AGBL1: variants seen among roughly 807,000 people sequenced by gnomAD.
AGBL1 encodes the protein cytosolic carboxypeptidase 4.
Under a neutral mutation model 118.9 loss-of-function variants are expected in AGBL1, and 130 were observed. The observed-to-expected ratio is 1.09, with a 90% CI of 0.95 to 1.26. The LOEUF is 1.26. Among genes scored for constraint, AGBL1 ranks in the 50% most tolerant of loss-of-function variants. The pLI, the probability that AGBL1 is intolerant of heterozygous loss-of-function variation, is 0.00. For missense variants in AGBL1, 1,584 were observed against 1,298.1 expected (o/e 1.22, Z -3.38); for synonymous variants, 555 against 478.9 (o/e 1.16, Z -2.08).
intron 5 of AGBL1, among the ~76,000 whole-genome samples, chr15:86,159,942 G>GA (rs985816155): frequency 2.0e-5 from 3 of 151,570 alleles, no homozygotes; most frequent in African/African-American, 4.8e-5. Context: ...ATATCTCAGT[G>GA]AAAAAAAATT....
rs577552983 is a variant in AGBL1 at position 86,752,582 on chromosome 15, C to T, written c.3158+78146C>T. Among the ~76,000 whole-genome samples the T allele has an allele frequency of 1.6e-4, 25 of 152,192 alleles. 1 individual carries two copies. The highest frequency in any genetic ancestry group is 5.5e-4 in the African/African-American group (23 of 41,562). On this transcript the variant is annotated intron_variant, in intron 22 of 22. Coordinates refer to ENST00000614907, the MANE Select transcript of AGBL1 (RefSeq NM_001386094.1). ...AATGCAGGAGCACAGGAACTCAGCCCTGTTTCTGCTCCAGGCTCTACCCCA... is the reference window on the plus strand; with the variant it reads ...AATGCAGGAGCACAGGAACTCAGCCTTGTTTCTGCTCCAGGCTCTACCCCA...
In AGBL1 at chr15:86,806,902, G is replaced by A. The variant is rs565272260; in HGVS notation, c.3159-100185G>A. 7.9e-5 allele frequency among the ~76,000 whole-genome samples: 12 copies of A among 151,708 alleles called. No individual in the cohort carries two copies. In the East Asian group the frequency reaches 1.7e-3, roughly 22 times the overall value. On this transcript the variant is annotated intron_variant, in intron 22 of 22. Transcript: ENST00000614907. Reference sequence around the variant, plus strand: ...TTATATACAATACGTGATATACCACGTATCATACGGTACATATATATTATT... The same window carrying A: ...TTATATACAATACGTGATATACCACATATCATACGGTACATATATATTATT...
At chr15:86,143,986 G>A in intron 3 of AGBL1, 141 bp downstream of exon 3, 1 of 1,080,884 alleles carries the variant, frequency 9.3e-7, no homozygotes, top group Non-Finnish European at 1.3e-6. Context: ...GTGATGGCAG[G>A]ACCAGCCCCA....
At chr15:86,158,449 C>T (rs1342510218) in intron 4 of AGBL1, among the ~76,000 whole-genome samples, 1 of 152,152 alleles carries the variant, frequency 6.6e-6, no homozygotes, top group Non-Finnish European at 1.5e-5. Context: ...ACGAGAGTGT[C>T]TGTGGACTCC....
intron 22 of AGBL1, among the ~76,000 whole-genome samples, chr15:86,768,670 C>T (rs764412874): frequency 1.1e-4 from 16 of 151,922 alleles, no homozygotes; most frequent in Non-Finnish European, 8.8e-5. Context: ...TCACTATCTA[C>T]CACATTGCAT....
rs549147807 is a variant in AGBL1 at position 86,210,910 on chromosome 15, A to C, written c.489-14004A>C. ...GGAGAAAAGGCACTCTGGTTTTTAG[A>C]ATTTTCAGCTTTTCTGCTCTGGTTT... On this transcript the variant is annotated intron_variant, in intron 5 of 22. Transcript: ENST00000614907. 6.6e-5 allele frequency among the ~76,000 whole-genome samples: 10 copies of C among 152,054 alleles called. No individual in the cohort carries two copies. The South Asian group carries it at 2.1e-3, about 32-fold the overall frequency.
intron 17 of AGBL1, among the ~76,000 whole-genome samples, chr15:86,366,821 C>T (rs2080894646): frequency 6.6e-6 from 1 of 152,164 alleles, no homozygotes; most frequent in African/African-American, 2.4e-5. Flanking sequence ...AAAAAGGTTC[C>T]TTTACTGTCT....
intron 22 of AGBL1, among the ~76,000 whole-genome samples, chr15:86,678,101 T>C (rs1467107367): frequency 6.6e-6 from 1 of 152,212 alleles, no homozygotes; most frequent in African/African-American, 2.4e-5. Context: ...TTAACCTATG[T>C]ATCACCCCAC....
At chr15:86,271,066 G>A (rs1335153017) in intron 14 of AGBL1, among the ~76,000 whole-genome samples, 1 of 3,832 alleles carries the variant, frequency 2.6e-4, no homozygotes, top group Admixed American at 2.3e-3. Context: ...TTTTTTTTTT[G>A]GCGAGACAGA....
At chr15:86,686,536 C>A (rs949084190) in intron 22 of AGBL1, among the ~76,000 whole-genome samples, 1 of 145,694 alleles carries the variant, frequency 6.9e-6, no homozygotes, top group Non-Finnish European at 1.5e-5. Context: ...CTCCTGGGTT[C>A]AAGTGATTCT....
At chr15:86,328,090 ATACT>A (rs1340826573) in intron 17 of AGBL1, among the ~76,000 whole-genome samples, 17 of 152,350 alleles carry the variant, frequency 1.1e-4, no homozygotes, top group African/African-American at 4.1e-4. Context: ...GAGTCAACAA[ATACT>A]TAAAGCAGAG....
At position 86,768,468 on chromosome 15, in the gene AGBL1, C is replaced by T. The variant is rs148248421; in HGVS notation, c.3158+94032C>T. 5.9e-5 allele frequency among the ~76,000 whole-genome samples: 9 copies of T among 151,730 alleles called. No individual in the cohort carries two copies. In the East Asian group the frequency reaches 1.7e-3, roughly 29 times the overall value. On this transcript the variant is annotated intron_variant, in intron 22 of 22. Transcript: ENST00000614907. ...TTCACTGTCCTCCAGCTACACTGGT[C>T]TCTTATTTTAAATTCTTCAAACATT...
intron 21 of AGBL1, among the ~76,000 whole-genome samples, chr15:86,638,431 CG>C (rs1212628490): frequency 3.3e-5 from 5 of 152,138 alleles, no homozygotes; most frequent in Non-Finnish European, 7.3e-5. Context: ...ATGGGTGCCG[CG>C]TTCAGGCTGC....
At chr15:86,784,578 A>G (rs1451857957) in intron 22 of AGBL1, among the ~76,000 whole-genome samples, 2 of 152,170 alleles carry the variant, frequency 1.3e-5, no homozygotes, top group Non-Finnish European at 2.9e-5. Context: ...TTAACTATAT[A>G]TTAAAAACTG....
intron 18 of AGBL1, among the ~76,000 whole-genome samples, chr15:86,419,265 C>T (rs2081750003): frequency 6.6e-6 from 1 of 151,912 alleles, no homozygotes; most frequent in Non-Finnish European, 1.5e-5. Context: ...GTACCTAGCT[C>T]ATCTTCATCT....
chr15:86,692,460 G>T (rs187690845), intron 22 of AGBL1, among the ~76,000 whole-genome samples: 39 of 152,218 alleles, frequency 2.6e-4, no homozygotes, highest in African/African-American at 9.4e-4. Flanking sequence ...AAAGCTGGGG[G>T]CTGTAGAAGG....
chr15:86,992,494 T>C (rs1171706021), intron 24 of AGBL1, among the ~76,000 whole-genome samples: 1 of 152,184 alleles, frequency 6.6e-6, no homozygotes, highest in Non-Finnish European at 1.5e-5. Flanking sequence ...GTACTAGATA[T>C]ATTACTAAAT....
chr15:86,863,945 GCA>G (rs1160799737), intron 22 of AGBL1, among the ~76,000 whole-genome samples: 2 of 152,148 alleles, frequency 1.3e-5, no homozygotes, highest in African/African-American at 4.8e-5. Context: ...ACTTAGCCTA[GCA>G]CCTGGGGGAT....
intron 17 of AGBL1, among the ~76,000 whole-genome samples, chr15:86,364,546 A>C (rs2080850658): frequency 6.6e-6 from 1 of 152,080 alleles, no homozygotes; most frequent in Non-Finnish European, 1.5e-5. Flanking sequence ...ACTGATTGGA[A>C]TGTTTTTCTA....
Sources: allele counts gnomAD v4.1 joint callset (sites outside exome capture counted in the v4.1 genomes callset), GRCh38; gene constraint gnomAD v4.1.1; transcripts MANE v1.5; gene names NCBI Gene and HGNC (gene_info 2026-07-23, HGNC 2026-07-21).